Variants in ATP10B observed in about 807,000 individuals in gnomAD.
ATP10B encodes the protein ATPase phospholipid transporting 10B (putative), also known as phospholipid-transporting ATPase VB.
Under a neutral mutation model 141.2 loss-of-function variants are expected in ATP10B, and 122 were observed. The observed-to-expected ratio is 0.86, with a 90% CI of 0.75 to 1.00. The LOEUF (loss-of-function observed/expected upper bound fraction) is 1.00. ATP10B is among the 50% of genes least tolerant of loss of function. The pLI is 0.00. For synonymous variants in ATP10B, 685 were observed against 692.0 expected (o/e 0.99, Z 0.16); for missense variants, 1,876 against 1,825.3 (o/e 1.03, Z -0.51).
intron 3 of ATP10B, among the ~76,000 whole-genome samples, chr5:160,697,350 T>C (rs901830840): frequency 3.3e-5 from 5 of 152,168 alleles, no homozygotes; most frequent in Non-Finnish European, 7.3e-5. Flanking sequence ...TTGGATAGGC[T>C]AGAAGACTTG....
At chr5:160,784,052 T>C (rs1442715803) in intron 2 of ATP10B, among the ~76,000 whole-genome samples, 2 of 152,160 alleles carry the variant, frequency 1.3e-5, no homozygotes, top group African/African-American at 4.8e-5. Flanking sequence ...GTAGCATATT[T>C]GTACTATAGC....
chr5:160,623,616 T>C (rs1394027065), intron 13 of ATP10B, among the ~76,000 whole-genome samples: 1 of 152,200 alleles, frequency 6.6e-6, no homozygotes, highest in East Asian at 1.9e-4. Flanking sequence ...TTTCACATCT[T>C]TCTAGAAGTT....
chr5:160,639,728 G>A (rs1759687521), intron 10 of ATP10B, among the ~76,000 whole-genome samples: 1 of 152,168 alleles, frequency 6.6e-6, no homozygotes, highest in Non-Finnish European at 1.5e-5. Flanking sequence ...GGGAGGGGGA[G>A]ATGGTTTCAG....
chr5:160,700,884 G>A (rs1239171517), intron 3 of ATP10B, among the ~76,000 whole-genome samples: 2 of 151,978 alleles, frequency 1.3e-5, no homozygotes, highest in East Asian at 1.9e-4. Flanking sequence ...ATCTGCACTT[G>A]CCCCCTATTA....
rs377239274 is a variant in ATP10B, at chr5:160,688,003, T to A, written c.72A>T (p.Pro24=). The change falls in exon 5 of 26, where the codon CCA becomes CCT. Residue 24 remains proline (P), a synonymous_variant. Coordinates refer to ENST00000327245, the MANE Select transcript of ATP10B (RefSeq NM_025153.3). ...GAGAGAGCAGCGGTGTGGTTTCCGA[T>A]GGACAATGGGGGAAGCCATCTCTGA... The part of the protein sequence containing the change: ...WRVRDGFPHC[P]SETTPLLSPE... The A allele has an allele frequency of 3.1e-6, 5 of 1,613,936 alleles. No homozygotes were observed. The African/African-American group carries it at 6.7e-5, about 22-fold the overall frequency.
At chr5:160,728,554 G>T (rs1169659680) in intron 2 of ATP10B, among the ~76,000 whole-genome samples, 1 of 152,072 alleles carries the variant, frequency 6.6e-6, no homozygotes, top group Non-Finnish European at 1.5e-5. Flanking sequence ...TCTGCATTTG[G>T]GCCTTCCCTG....
At chr5:160,632,481 C>G in intron 12 of ATP10B, 114 bp from the exon 13 acceptor site, 1 of 980,294 alleles carries the variant, frequency 1.0e-6, no homozygotes. Context: ...CTATGCTACT[C>G]TGAAAAATTG....
chr5:160,905,729 T>TAAA, the ATP10B span, among the ~76,000 whole-genome samples: 6 of 151,328 alleles, frequency 4.0e-5, no homozygotes, highest in African/African-American at 1.5e-4. Flanking sequence ...TATAATGTGT[T>TAAA]AAAAAAAAAT....
intron 1 of ATP10B, among the ~76,000 whole-genome samples, chr5:160,827,498 A>G (rs1581611577): frequency 6.6e-6 from 1 of 152,002 alleles, no homozygotes; most frequent in Non-Finnish European, 1.5e-5. Context: ...GTTTTTAATG[A>G]GATTGTTTCT....
At chr5:160,828,038 A>T (rs1581612666) in intron 1 of ATP10B, among the ~76,000 whole-genome samples, 1 of 152,154 alleles carries the variant, frequency 6.6e-6, no homozygotes, top group African/African-American at 2.4e-5. Flanking sequence ...TCCCTTCCTT[A>T]CACCTTATAC....
At chr5:160,782,772 T>C (rs1418932381) in intron 2 of ATP10B, among the ~76,000 whole-genome samples, 1 of 151,422 alleles carries the variant, frequency 6.6e-6, no homozygotes, top group Non-Finnish European at 1.5e-5. Flanking sequence ...TACTAATCAA[T>C]GGCAAAAAAT....
chr5:160,602,791 C>CCT, intron 20 of ATP10B, 89 bp from the exon 21 acceptor site: 1 of 1,575,744 alleles, frequency 6.3e-7, no homozygotes, highest in South Asian at 1.1e-5. Flanking sequence ...TTGGTCTAGG[C>CCT]CTACGGCCAG....
At chr5:160,644,407 G>A (rs1760120622) in intron 8 of ATP10B, among the ~76,000 whole-genome samples, 163 bp from the exon 9 acceptor site, 1 of 152,084 alleles carries the variant, frequency 6.6e-6, no homozygotes, top group African/African-American at 2.4e-5. Context: ...TCATGTTCAA[G>A]GGTAGATCTC....
At chr5:160,867,850 C>T in the ATP10B span, among the ~76,000 whole-genome samples, 3 of 152,078 alleles carry the variant, frequency 2.0e-5, 1 homozygote, top group Non-Finnish European at 2.9e-5. Context: ...TTAAGTAAAT[C>T]ACTCAATTGT....
At chr5:160,714,048 T>A (rs1354567384) in intron 3 of ATP10B, among the ~76,000 whole-genome samples, 1 of 44,596 alleles carries the variant, frequency 2.2e-5, no homozygotes, top group African/African-American at 9.6e-5. Context: ...GCCCTTAACA[T>A]TTTTTCCTTC....
chr5:160,919,223 C>CAAAAAAAAAAAAAAAAA, the ATP10B span, among the ~76,000 whole-genome samples: 79 of 26,912 alleles, frequency 2.9e-3, 1 homozygote, highest in African/African-American at 5.2e-3. Context: ...AACTCCGTCT[C>CAAAAAAAAAAAAAAAAA]AAAAAAAAAA....
intron 1 of ATP10B, among the ~76,000 whole-genome samples, chr5:160,830,536 C>T (rs1159051006): frequency 6.6e-6 from 1 of 152,012 alleles, no homozygotes; most frequent in Non-Finnish European, 1.5e-5. Context: ...GTGCTCCCAG[C>T]TGTAGATTGA....
At chr5:160,801,116 A>G (rs1030559419) in intron 1 of ATP10B, among the ~76,000 whole-genome samples, 7 of 152,162 alleles carry the variant, frequency 4.6e-5, no homozygotes, top group African/African-American at 1.7e-4. Flanking sequence ...CCAGGAATCC[A>G]CTAACGATGT....
chr5:160,806,489 C>A (rs1256586548), intron 1 of ATP10B, among the ~76,000 whole-genome samples: 1 of 152,182 alleles, frequency 6.6e-6, no homozygotes, highest in East Asian at 1.9e-4. Context: ...AAGGTTCAGA[C>A]AACAAAAATG....
Sources: allele counts gnomAD v4.1 joint callset (sites outside exome capture counted in the v4.1 genomes callset), GRCh38; gene constraint gnomAD v4.1.1; transcripts MANE v1.5; gene names NCBI Gene and HGNC (gene_info 2026-07-23, HGNC 2026-07-21).